The following EFEMP1 variants were observed in gnomAD, a reference collection of about 807,000 sequenced individuals.
The protein encoded by EFEMP1 is EGF-containing fibulin-like extracellular matrix protein 1.
Under a neutral mutation model 65.7 loss-of-function variants are expected in EFEMP1, and 18 were observed. The ratio of observed to expected loss-of-function variants is 0.27; its 90% confidence interval spans 0.19 to 0.41. The LOEUF is 0.41. Ranked by LOEUF, EFEMP1 falls within the 10% of genes least tolerant of loss-of-function variation. EFEMP1 has a pLI of 1.00. For synonymous variants in EFEMP1, 237 were observed against 219.7 expected (o/e 1.08, Z -0.70); for missense variants, 469 against 624.8 (o/e 0.75, Z 2.66).
rs546609081 is a variant in EFEMP1, at chr2:55,898,400, TAAAC to T, written c.518-16670_518-16667del. ...ATGAATTATCTATTATAAATAATTTTAAACTAATTATTATGATCCAGAAAATAGT... is the reference window on the plus strand; with the variant it reads ...ATGAATTATCTATTATAAATAATTTTTAATTATTATGATCCAGAAAATAGT... On this transcript the variant is annotated intron_variant, in intron 5 of 11. Transcript: ENST00000355426. 3.1e-3 allele frequency among the ~76,000 whole-genome samples: 478 copies of T among 152,312 alleles called. 2 individuals carry two copies. Among genetic ancestry groups the T allele is most frequent in the African/African-American group, 8.8e-3 (367 of 41,560 alleles).
chr2:55,923,376 T>G lies in EFEMP1; in HGVS notation c.-49+335A>C, dbSNP rs1670981847. Among the ~76,000 whole-genome samples, 1 of 152,146 alleles carries G rather than the reference T, an allele frequency of 6.6e-6. No homozygotes were observed. Among genetic ancestry groups the G allele is most frequent in the Non-Finnish European group, 1.5e-5 (1 of 68,026 alleles). ...TGGAGCTGCTCAGCGTCCCAGCTTCTAACCAGCTCCTATGGAATCCAGGTG... is the reference window on the plus strand; with the variant it reads ...TGGAGCTGCTCAGCGTCCCAGCTTCGAACCAGCTCCTATGGAATCCAGGTG... On this transcript the variant is annotated intron_variant, in intron 1 of 11. Coordinates refer to ENST00000355426, the MANE Select transcript of EFEMP1 (RefSeq NM_001039348.3). This position sits in a 1 kb window ranked among gnomAD's most constrained non-coding sequence, Gnocchi z 5.3.
chr2:55,922,284 G>T lies in EFEMP1; in HGVS notation c.81+76C>A. On this transcript the variant is annotated intron_variant, in intron 3 of 11. Coordinates refer to ENST00000355426, the MANE Select transcript of EFEMP1 (RefSeq NM_001039348.3). This position sits in a 1 kb window ranked among gnomAD's most constrained non-coding sequence, Gnocchi z 5.5. ...AGCAGAGTATAGCCCAAATACACTG[G>T]CAGGGGTGTGTAAAGTCTTTTTTTG... The T allele has an allele frequency of 7.6e-7, 1 of 1,323,804 alleles. No homozygotes were observed. The allele number at this position is 1,323,804 out of a possible 1,614,324, so 82.0% of individuals were successfully genotyped here.
intron 5 of EFEMP1, among the ~76,000 whole-genome samples, chr2:55,914,819 A>G (rs976872606): frequency 7.9e-5 from 12 of 151,910 alleles, no homozygotes; most frequent in African/African-American, 2.9e-4. Context: ...AAAACAGAAG[A>G]CTCTTCAAAC....
chr2:55,911,787 G>A (rs1011740057), intron 5 of EFEMP1, among the ~76,000 whole-genome samples: 2 of 152,008 alleles, frequency 1.3e-5, no homozygotes, highest in Non-Finnish European at 2.9e-5. Flanking sequence ...CACCTCTAAC[G>A]GTTGTCATTC....
Position 55,874,303 on chromosome 2 carries a change from A to G in EFEMP1, c.1000+643T>C, listed in dbSNP as rs939458507. On this transcript the variant is annotated intron_variant, in intron 9 of 11. Transcript: ENST00000355426. ...AAGAAAATTTTCAACTACATGCAAC[A>G]TTGGAGGTAGGGTCCTTTTTTTTTT... Among the ~76,000 whole-genome samples, 4 of 149,664 alleles carry G rather than the reference A, an allele frequency of 2.7e-5. No individual in the cohort carries two copies. In the South Asian group the frequency reaches 8.4e-4, roughly 31 times the overall value.
intron 5 of EFEMP1, among the ~76,000 whole-genome samples, chr2:55,913,321 A>G (rs1190115055): frequency 6.6e-6 from 1 of 152,092 alleles, no homozygotes; most frequent in African/African-American, 2.4e-5. Flanking sequence ...TGTTTTTTTC[A>G]TATTTCTCAA....
chr2:55,896,867 C>T (rs1405923739), intron 5 of EFEMP1, among the ~76,000 whole-genome samples: 1 of 152,210 alleles, frequency 6.6e-6, no homozygotes, highest in Non-Finnish European at 1.5e-5. Context: ...GAAACCCAAA[C>T]TTTAAAACAT....
chr2:55,898,790 T>A (rs1669927865), intron 5 of EFEMP1, among the ~76,000 whole-genome samples: 1 of 152,174 alleles, frequency 6.6e-6, no homozygotes, highest in Admixed American at 6.5e-5. Flanking sequence ...CGATCTTGTT[T>A]CCTGCTGCAC....
At position 55,871,078 on chromosome 2, in the gene EFEMP1, AT is replaced by A; in HGVS notation, c.1045del (p.Met349CysfsTer23). On this transcript the variant is annotated frameshift_variant, in exon 10 of 12. Transcript: ENST00000355426. LOFTEE classifies it high-confidence loss of function. The surrounding 1 kb of genome is among the most constrained non-coding windows in gnomAD (Gnocchi z 4.2). ...ETTNECREDE[M>X]CWNYHGGFRC... ...GAAGCCGCCATGATAATTCCAACAC[AT>A]TTCATCCTCCCGGCATTCATTTGTG... 1 of 1,613,690 alleles carries A rather than the reference AT, an allele frequency of 6.2e-7. No homozygotes were observed. The highest frequency in any genetic ancestry group is 8.5e-7 in the Non-Finnish European group (1 of 1,179,752).
At position 55,922,303 on chromosome 2, in the gene EFEMP1, T is replaced by C; in HGVS notation, c.81+57A>G. The C allele has an allele frequency of 6.4e-7, 1 of 1,565,498 alleles. No individual in the cohort carries two copies. Among genetic ancestry groups the C allele is most frequent in the Non-Finnish European group, 8.8e-7 (1 of 1,136,498 alleles). ...ACACTGGCAGGGGTGTGTAAAGTCT[T>C]TTTTTGTCACAGAATCCCGCTGAAC... On this transcript the variant is annotated intron_variant, in intron 3 of 11. Coordinates refer to ENST00000355426, the MANE Select transcript of EFEMP1 (RefSeq NM_001039348.3). This position sits in a 1 kb window ranked among gnomAD's most constrained non-coding sequence, Gnocchi z 5.5.
intron 5 of EFEMP1, among the ~76,000 whole-genome samples, chr2:55,895,510 G>C (rs1388120038): frequency 1.3e-5 from 2 of 151,978 alleles, no homozygotes; most frequent in Non-Finnish European, 2.9e-5. Context: ...AGCTTGTTCA[G>C]GTGACCTTTA....
At chr2:55,876,812 T>A (rs1442185020) in intron 7 of EFEMP1, 70 bp from the exon 8 acceptor site, 5 of 949,132 alleles carry the variant, frequency 5.3e-6, no homozygotes, top group Non-Finnish European at 7.2e-6. Flanking sequence ...ATATAGACTT[T>A]AAACATATCC....
chr2:55,866,881 G>A lies in EFEMP1; in HGVS notation c.*192C>T, dbSNP rs939297344. 21 of 670,630 alleles carry A rather than the reference G, an allele frequency of 3.1e-5. No homozygotes were observed. The highest frequency in any genetic ancestry group is 4.2e-4 in the Middle Eastern group (1 of 2,366). 41.5% of individuals were successfully genotyped at this position (670,630 alleles called of 1,614,324 possible). ...TGGATTAATGTCTAATTTACATATA[G>A]TAATAAAGACAAACTTTGAATCTTT... is the stretch of plus-strand genomic sequence containing the variant. On this transcript the variant is annotated 3_prime_UTR_variant, in exon 12 of 12. Coordinates refer to ENST00000355426, the MANE Select transcript of EFEMP1 (RefSeq NM_001039348.3).
In EFEMP1 at chr2:55,867,276, T is replaced by C. The variant is rs759503978; in HGVS notation, c.1321-42A>G. 1.9e-5 allele frequency: 31 copies of C among 1,600,460 alleles called. No individual in the cohort carries two copies. The highest frequency in any genetic ancestry group is 2.7e-5 in the African/African-American group (2 of 74,438). Reference sequence around the variant, plus strand: ...TAGAGAAAGGAAGAGAATAATTTTCTTGGATTGGAGTTTCTATGCTTTGTT... The same window carrying C: ...TAGAGAAAGGAAGAGAATAATTTTCCTGGATTGGAGTTTCTATGCTTTGTT... On this transcript the variant is annotated intron_variant, in intron 11 of 11. Transcript: ENST00000355426. The surrounding 1 kb of genome is among the most constrained non-coding windows in gnomAD (Gnocchi z 4.3).
intron 5 of EFEMP1, among the ~76,000 whole-genome samples, chr2:55,890,980 G>A (rs1198597139): frequency 6.6e-6 from 1 of 152,014 alleles, no homozygotes; most frequent in East Asian, 1.9e-4. Flanking sequence ...AGGTTTGGGG[G>A]TACATGTGCA....
At chr2:55,900,954 T>C (rs954085523) in intron 5 of EFEMP1, among the ~76,000 whole-genome samples, 1 of 152,240 alleles carries the variant, frequency 6.6e-6, no homozygotes, top group African/African-American at 2.4e-5. Context: ...TAGATTTTGT[T>C]GCTTCTGAAG....
intron 6 of EFEMP1, among the ~76,000 whole-genome samples, chr2:55,879,120 A>C (rs1031475916): frequency 6.6e-6 from 1 of 152,056 alleles, no homozygotes; most frequent in African/African-American, 2.4e-5. Flanking sequence ...ACAGTACTCG[A>C]CATTGTGTTA....
chr2:55,883,442 T>C lies in EFEMP1; in HGVS notation c.518-1708A>G, dbSNP rs1380974551. On this transcript the variant is annotated intron_variant, in intron 5 of 11. Transcript: ENST00000355426. The surrounding 1 kb of genome is among the most constrained non-coding windows in gnomAD (Gnocchi z 4.5). ...TTACTGGGGTTTCTTCAGAGCTTTA[T>C]GACTCGTTAATGCAGAAATGACAGC... Among the ~76,000 whole-genome samples the C allele has an allele frequency of 6.6e-6, 1 of 152,212 alleles. No individual in the cohort carries two copies. The highest frequency in any genetic ancestry group is 1.5e-5 in the Non-Finnish European group (1 of 68,026).
intron 5 of EFEMP1, among the ~76,000 whole-genome samples, chr2:55,909,009 A>G (rs942578351): frequency 3.3e-5 from 5 of 152,212 alleles, no homozygotes; most frequent in African/African-American, 9.6e-5. Context: ...AGGTTTTATG[A>G]ATCCTTCTTT....
Sources: gnomAD v4.1 joint callset for allele counts (sites outside exome capture counted in the v4.1 genomes callset) on GRCh38, gnomAD v4.1.1 for gene constraint, Gnocchi (gnomAD v3.1) non-coding constraint, MANE v1.5 for transcripts, NCBI Gene and HGNC (gene_info 2026-07-23, HGNC 2026-07-21) for gene names.